CTNNA2: variants seen among roughly 807,000 people sequenced by gnomAD.
CTNNA2 encodes catenin alpha 2, also known as catenin alpha-2.
CTNNA2 carries 42 observed loss-of-function variants against 101.0 expected under a neutral mutation model. That is an observed-to-expected ratio of 0.42 (90% CI 0.32 to 0.54). CTNNA2 has a LOEUF of 0.54. Among genes scored for constraint, CTNNA2 ranks in the 20% least tolerant of loss-of-function variants. CTNNA2 has a pLI of 0.14. For synonymous variants in CTNNA2, 450 were observed against 456.4 expected, an observed-to-expected ratio of 0.99 and a Z score of 0.18; for missense variants, 871 against 1,223.1, an observed-to-expected ratio of 0.71 and a Z score of 4.29.
At chr2:80,030,293 C>T (rs1695207335) in intron 7 of CTNNA2, among the ~76,000 whole-genome samples, 1 of 151,544 alleles carries the variant, frequency 6.6e-6, no homozygotes, top group South Asian at 2.1e-4. Context: ...ACTGTCCCAG[C>T]ACTAGCTCCT....
chr2:80,509,011 A>G (rs1022034254), intron 9 of CTNNA2, among the ~76,000 whole-genome samples: 2 of 151,982 alleles, frequency 1.3e-5, no homozygotes, highest in Non-Finnish European at 1.5e-5. Context: ...ATCTACCTCT[A>G]ATTATCTGTG....
chr2:79,545,838 T>C (rs1673697589), intron 1 of CTNNA2, among the ~76,000 whole-genome samples: 2 of 152,338 alleles, frequency 1.3e-5, no homozygotes, highest in South Asian at 4.1e-4. Context: ...GCAATACTTA[T>C]AATATGAATA....
chr2:79,690,573 A>G (rs1409645424), intron 2 of CTNNA2, among the ~76,000 whole-genome samples: 1 of 151,852 alleles, frequency 6.6e-6, no homozygotes, highest in Admixed American at 6.6e-5. Flanking sequence ...AGTCTTTGCT[A>G]TTGGAAGTAG....
intron 7 of CTNNA2, among the ~76,000 whole-genome samples, chr2:80,277,476 G>A (rs1673994560): frequency 6.9e-6 from 1 of 144,392 alleles, no homozygotes; most frequent in Non-Finnish European, 1.5e-5. Flanking sequence ...TTGAGAGGTA[G>A]AGAGAATGAA....
At chr2:79,473,102 C>G (rs2104548959) in intron 4 of CTNNA2, among the ~76,000 whole-genome samples, 1 of 152,248 alleles carries the variant, frequency 6.6e-6, no homozygotes, top group South Asian at 2.1e-4. Context: ...TTCATGATTA[C>G]TTTTGTATTC....
chr2:80,085,116 G>A (rs1044835219), intron 7 of CTNNA2, among the ~76,000 whole-genome samples: 1 of 152,080 alleles, frequency 6.6e-6, no homozygotes, highest in Non-Finnish European at 1.5e-5. Context: ...AATAGGCCAA[G>A]TTAAGGTGAA....
chr2:79,596,989 G>T (rs1677230661), intron 1 of CTNNA2, among the ~76,000 whole-genome samples: 1 of 152,136 alleles, frequency 6.6e-6, no homozygotes. Context: ...TTTGTAAAGT[G>T]GGGTGGACAC....
intron 6 of CTNNA2, among the ~76,000 whole-genome samples, chr2:79,898,354 C>G (rs926511537): frequency 6.6e-6 from 1 of 151,926 alleles, no homozygotes; most frequent in Non-Finnish European, 1.5e-5. Flanking sequence ...GCAGGCTGGT[C>G]TCGAACTCCT....
At chr2:79,221,191 C>T (rs1259107448) in intron 2 of CTNNA2, among the ~76,000 whole-genome samples, 1 of 152,090 alleles carries the variant, frequency 6.6e-6, no homozygotes, top group South Asian at 2.1e-4. Flanking sequence ...CTGTGTTGCC[C>T]AGGCTGGAAT....
At chr2:80,441,967 C>G (rs79615707) in intron 9 of CTNNA2, among the ~76,000 whole-genome samples, 9,595 of 152,290 alleles carry the variant, frequency 0.063, 435 homozygotes, top group East Asian at 0.15. Context: ...GGCAGTCCTC[C>G]ATGGGCAGGT....
intron 7 of CTNNA2, among the ~76,000 whole-genome samples, chr2:80,032,087 C>T (rs1465841198): frequency 6.6e-6 from 1 of 152,120 alleles, no homozygotes; most frequent in African/African-American, 2.4e-5. Flanking sequence ...CTTGATACTC[C>T]ATGAAGTTTA....
At chr2:79,303,775 G>A (rs1401486109) in intron 2 of CTNNA2, among the ~76,000 whole-genome samples, 2 of 151,842 alleles carry the variant, frequency 1.3e-5, no homozygotes, top group Non-Finnish European at 2.9e-5. Flanking sequence ...GGAGAAGAGG[G>A]CTGCAGCCTT....
intron 7 of CTNNA2, among the ~76,000 whole-genome samples, chr2:80,221,336 G>C (rs567208468): frequency 6.6e-6 from 1 of 152,158 alleles, no homozygotes; most frequent in South Asian, 2.1e-4. Context: ...CCCCAGATTG[G>C]ATTTTCTTCT....
intron 18 of CTNNA2, among the ~76,000 whole-genome samples, chr2:80,631,764 A>G (rs1219528125): frequency 6.6e-6 from 1 of 152,146 alleles, no homozygotes; most frequent in Non-Finnish European, 1.5e-5. Context: ...ACTATACCTG[A>G]GGATACAGGT....
chr2:79,496,762 G>A (rs1000802706), intron 4 of CTNNA2, among the ~76,000 whole-genome samples: 6 of 151,412 alleles, frequency 4.0e-5, no homozygotes, highest in Non-Finnish European at 5.9e-5. Flanking sequence ...ACTATACATA[G>A]AAGGAGATAT....
rs186769040 is a variant in CTNNA2, at chr2:80,589,549, T to A, written c.2189+64T>A. 11,266 of 1,480,292 alleles carry A rather than the reference T, an allele frequency of 7.6e-3. 63 individuals are homozygous for A. Among genetic ancestry groups the A allele is most frequent in the Non-Finnish European group, 8.9e-3 (9,790 of 1,096,230 alleles). The allele number at this position is 1,480,292 out of a possible 1,614,324, so 91.7% of individuals were successfully genotyped here. A position where few individuals can be genotyped will look rare whatever the true frequency, so the allele number is the denominator to read the frequency against. The stretch of plus-strand genomic sequence containing the variant: ...AAACCCAGAAGTGTAGCAGTGTGTA[T>A]TAGCATGTGAAAGCCTGCTGAAAAA... On this transcript the variant is annotated intron_variant, in intron 15 of 18. Transcript: ENST00000402739.
intron 6 of CTNNA2, among the ~76,000 whole-genome samples, chr2:79,874,589 G>A (rs1682860455): frequency 6.6e-6 from 1 of 152,308 alleles, no homozygotes; most frequent in East Asian, 1.9e-4. Flanking sequence ...GGGAGGCCGA[G>A]GTGGGTGGAT....
In CTNNA2 at chr2:80,341,158, A is replaced by AT. The variant is rs576915905; in HGVS notation, c.1057-52044dup. Among the ~76,000 whole-genome samples the AT allele has an allele frequency of 9.9e-5, 15 of 151,244 alleles. No homozygotes were observed. The East Asian group carries it at 1.4e-3, about 14-fold the overall frequency. On this transcript the variant is annotated intron_variant, in intron 7 of 18. Coordinates refer to ENST00000402739, the MANE Select transcript of CTNNA2 (RefSeq NM_001282597.3). The stretch of plus-strand genomic sequence containing the variant: ...GTTCTCTGAACCTTGATGTTTAGAG[A>AT]TTTTTTTTTAATGGAGGTTTCATCA...
At chr2:79,848,962 C>T (rs1680459663) in intron 3 of CTNNA2, among the ~76,000 whole-genome samples, 1 of 151,812 alleles carries the variant, frequency 6.6e-6, no homozygotes, top group Non-Finnish European at 1.5e-5. Flanking sequence ...TGTCAGGAGA[C>T]AGGGATGCTG....
Sources: allele counts gnomAD v4.1 joint callset (sites outside exome capture counted in the v4.1 genomes callset), GRCh38; gene constraint gnomAD v4.1.1; transcripts MANE v1.5; gene names NCBI Gene and HGNC (gene_info 2026-07-23, HGNC 2026-07-21).